The following LOC128462377 variants were observed in gnomAD, a reference collection of about 807,000 sequenced individuals.
the LOC128462377 span, among the ~76,000 whole-genome samples, chr16:89,372,539 G>A: frequency 6.6e-6 from 1 of 152,156 alleles, no homozygotes; most frequent in African/African-American, 2.4e-5. Flanking sequence ...TGAAACATGA[G>A]CTGATAAAAC....
At chr16:89,370,929 G>A in the LOC128462377 span, among the ~76,000 whole-genome samples, 1 of 152,050 alleles carries the variant, frequency 6.6e-6, no homozygotes, top group African/African-American at 2.4e-5. Flanking sequence ...CAGGCGCCAC[G>A]AGACGCCCAA....
the LOC128462377 span, among the ~76,000 whole-genome samples, chr16:89,381,131 C>A: frequency 6.6e-6 from 1 of 151,854 alleles, no homozygotes; most frequent in Non-Finnish European, 1.5e-5. Context: ...GAGACCAGCC[C>A]GGCCAACATG....
At chr16:89,373,433 C>T in the LOC128462377 span, 1 of 152,628 alleles carries the variant, frequency 6.6e-6, no homozygotes, top group African/African-American at 2.4e-5. Context: ...AGGCCACCCT[C>T]TCCAGCCACG....
At chr16:89,318,072 G>T in the LOC128462377 span, among the ~76,000 whole-genome samples, 1 of 152,200 alleles carries the variant, frequency 6.6e-6, no homozygotes, top group Non-Finnish European at 1.5e-5. Context: ...CAGGCAGTTG[G>T]GGGAGGCCTT....
At chr16:89,388,260 G>C in the LOC128462377 span, among the ~76,000 whole-genome samples, 1 of 150,010 alleles carries the variant, frequency 6.7e-6, no homozygotes, top group Admixed American at 6.7e-5. Flanking sequence ...CCACGCGGGT[G>C]GTGCCGGGTG....
chr16:89,319,792 G>A, the LOC128462377 span, among the ~76,000 whole-genome samples: 13 of 152,340 alleles, frequency 8.5e-5, no homozygotes, highest in East Asian at 3.9e-4. Context: ...TGCAGCACGC[G>A]GCCCACTCTA....
chr16:89,413,394 G>A, the LOC128462377 span, among the ~76,000 whole-genome samples: 2 of 152,146 alleles, frequency 1.3e-5, no homozygotes, highest in Non-Finnish European at 2.9e-5. Context: ...GGGAGGCTGA[G>A]GTGGGCAGAT....
At chr16:89,395,818 T>C in the LOC128462377 span, 1 of 152,316 alleles carries the variant, frequency 6.6e-6, no homozygotes, top group East Asian at 1.9e-4. Context: ...GACACCGCAC[T>C]GATGAGCCAG....
chr16:89,324,541 G>C, the LOC128462377 span: 6 of 455,978 alleles, frequency 1.3e-5, no homozygotes, highest in East Asian at 4.2e-4. Context: ...CATTGAGTCA[G>C]TGGACGGGGA....
chr16:89,390,336 T>C, the LOC128462377 span, among the ~76,000 whole-genome samples: 1 of 146,816 alleles, frequency 6.8e-6, no homozygotes, highest in African/African-American at 2.5e-5. Context: ...ACAGAGAAGA[T>C]CACTGGGGCG....
the LOC128462377 span, among the ~76,000 whole-genome samples, chr16:89,358,474 A>G: frequency 6.6e-6 from 1 of 152,266 alleles, no homozygotes; most frequent in Admixed American, 6.5e-5. Context: ...TGTTTACAAC[A>G]CAAAGGATAA....
the LOC128462377 span, among the ~76,000 whole-genome samples, chr16:89,407,052 G>A: frequency 6.6e-6 from 1 of 152,048 alleles, no homozygotes; most frequent in African/African-American, 2.4e-5. Context: ...CGGACATGGT[G>A]GCAGGCATCT....
the LOC128462377 span, among the ~76,000 whole-genome samples, chr16:89,389,406 A>G: frequency 1.3e-5 from 2 of 152,170 alleles, no homozygotes; most frequent in African/African-American, 2.4e-5. Flanking sequence ...ATAAGAAAAT[A>G]TGATTACATA....
At chr16:89,371,283 T>C in the LOC128462377 span, among the ~76,000 whole-genome samples, 1 of 152,236 alleles carries the variant, frequency 6.6e-6, no homozygotes, top group South Asian at 2.1e-4. Flanking sequence ...ATGACACCAC[T>C]AGGCAATTCT....
chr16:89,371,190 G>C, the LOC128462377 span, among the ~76,000 whole-genome samples: 4 of 152,154 alleles, frequency 2.6e-5, no homozygotes, highest in African/African-American at 9.7e-5. Context: ...GCCAGAAAAA[G>C]ATGCAACGAC....
the LOC128462377 span, among the ~76,000 whole-genome samples, chr16:89,331,369 A>G: frequency 1.3e-5 from 2 of 152,350 alleles, no homozygotes; most frequent in African/African-American, 4.8e-5. Context: ...TGGACAGAAC[A>G]ACTCTATGGG....
chr16:89,374,720 G>C, the LOC128462377 span, among the ~76,000 whole-genome samples: 1 of 152,112 alleles, frequency 6.6e-6, no homozygotes, highest in Non-Finnish European at 1.5e-5. Context: ...GTAAGGACCA[G>C]AAAAAAACAG....
chr16:89,350,452 A>G, the LOC128462377 span, among the ~76,000 whole-genome samples: 3 of 152,206 alleles, frequency 2.0e-5, no homozygotes, highest in Non-Finnish European at 2.9e-5. Context: ...AACATGCGAC[A>G]TATCTACCCC....
the LOC128462377 span, chr16:89,323,248 A>G: frequency 5.6e-6 from 7 of 1,243,230 alleles, no homozygotes; most frequent in Non-Finnish European, 6.3e-6. Flanking sequence ...GAGAAAAGGA[A>G]AAAGAGCTGC....
Sources: allele counts gnomAD v4.1 joint callset (sites outside exome capture counted in the v4.1 genomes callset), GRCh38; gene constraint gnomAD v4.1.1; transcripts MANE v1.5.